The following BCO2 variants were observed in gnomAD, a reference collection of about 807,000 sequenced individuals.
BCO2 encodes the protein carotenoid-cleaving dioxygenase, mitochondrial.
A neutral mutation model predicts 65.8 loss-of-function variants in BCO2; 56 were observed. That is an observed-to-expected ratio of 0.85 (90% CI 0.69 to 1.06). The LOEUF is 1.06. Ranked by LOEUF, BCO2 falls within the 50% of genes least tolerant of loss-of-function variation. BCO2 has a pLI of 0.00. For synonymous variants in BCO2, 233 were observed against 242.3 expected (o/e 0.96, Z 0.36); for missense variants, 675 against 698.5 (o/e 0.97, Z 0.38).
At chr11:112,183,855 G>A (rs1365059427) in intron 2 of BCO2, among the ~76,000 whole-genome samples, 1 of 152,182 alleles carries the variant, frequency 6.6e-6, no homozygotes, top group Non-Finnish European at 1.5e-5. Flanking sequence ...AGACATTGTT[G>A]TACATCACTG....
intron 11 of BCO2, 40 bp downstream of exon 11, chr11:112,216,370 G>T (rs1219113195): frequency 6.8e-7 from 1 of 1,462,740 alleles, no homozygotes; most frequent in Admixed American, 1.7e-5. Flanking sequence ...AAGAAAAGTA[G>T]CACTGAGTCA....
chr11:112,180,585 A>G (rs1867009605), intron 2 of BCO2, among the ~76,000 whole-genome samples: 2 of 151,572 alleles, frequency 1.3e-5, no homozygotes, highest in Admixed American at 6.6e-5. Flanking sequence ...CAGGGTGGGA[A>G]GGAGGACTGG....
chr11:112,196,006 T>C (rs887513099), intron 5 of BCO2, among the ~76,000 whole-genome samples: 2 of 152,194 alleles, frequency 1.3e-5, no homozygotes, highest in African/African-American at 4.8e-5. Flanking sequence ...CTCAGTTTGC[T>C]CCTTATACAA....
intron 2 of BCO2, among the ~76,000 whole-genome samples, chr11:112,190,594 C>T (rs932945545): frequency 3.9e-5 from 6 of 152,056 alleles, no homozygotes; most frequent in East Asian, 1.9e-4. Context: ...CAGTGGCTCA[C>T]GCCTGTAATC....
At position 112,218,566 on chromosome 11, in the gene BCO2, GACA is replaced by G. The variant is rs1172545476; in HGVS notation, c.*697_*699del. ...CCAACTCACCCTAATTAAGGTTGATGACAACAAGAAACCAGAGGAATGGGTAGG... is the reference window on the plus strand; with the variant it reads ...CCAACTCACCCTAATTAAGGTTGATGACAAGAAACCAGAGGAATGGGTAGG... On this transcript the variant is annotated 3_prime_UTR_variant, in exon 12 of 12. Coordinates refer to ENST00000357685, the MANE Select transcript of BCO2 (RefSeq NM_031938.7). The G allele has an allele frequency of 4.3e-6, 1 of 234,782 alleles. No individual in the cohort carries two copies. The highest frequency in any genetic ancestry group is 6.4e-5 in the South Asian group (1 of 15,744). 14.5% of individuals were successfully genotyped at this position (234,782 alleles called of 1,614,324 possible).
At position 112,191,108 on chromosome 11, in the gene BCO2, TG is replaced by T. The variant is rs1157954842; in HGVS notation, c.294-2365del. Among the ~76,000 whole-genome samples, 3 of 151,786 alleles carry T rather than the reference TG, an allele frequency of 2.0e-5. No homozygotes were observed. In the East Asian group the frequency reaches 5.8e-4, roughly 29 times the overall value. On this transcript the variant is annotated intron_variant, in intron 2 of 11. Coordinates refer to ENST00000357685, the MANE Select transcript of BCO2 (RefSeq NM_031938.7). The stretch of plus-strand genomic sequence containing the variant: ...AAGGGATGGTCAGTATCTTCACTAC[TG>T]TTCAACATTGTACCAGATGTAAGCA...
At chr11:112,197,808 C>G (rs1383434720) in intron 5 of BCO2, among the ~76,000 whole-genome samples, 2 of 152,174 alleles carry the variant, frequency 1.3e-5, no homozygotes, top group African/African-American at 4.8e-5. Context: ...CCTAGACTCT[C>G]CTTCTCGCTT....
chr11:112,177,565 A>G (rs186679577), intron 1 of BCO2, among the ~76,000 whole-genome samples: 354 of 152,340 alleles, frequency 2.3e-3, no homozygotes, highest in African/African-American at 7.8e-3. Flanking sequence ...TAAAGGAGAT[A>G]TTACACCTTA....
intron 8 of BCO2, among the ~76,000 whole-genome samples, 169 bp from the exon 9 acceptor site, chr11:112,213,555 C>G (rs1240603274): frequency 6.6e-6 from 1 of 152,136 alleles, no homozygotes; most frequent in Non-Finnish European, 1.5e-5. Flanking sequence ...GTGTCTAAAA[C>G]TGCTTGGGCT....
At chr11:112,199,848 A>G in intron 6 of BCO2, 21 bp downstream of exon 6, 2 of 1,612,406 alleles carry the variant, frequency 1.2e-6, no homozygotes, top group African/African-American at 1.3e-5. Context: ...AGATAAGGCA[A>G]ATTTCAGTGG....
intron 2 of BCO2, among the ~76,000 whole-genome samples, chr11:112,187,728 C>T (rs935580845): frequency 1.3e-5 from 2 of 152,132 alleles, no homozygotes; most frequent in African/African-American, 4.8e-5. Context: ...CATCACGATC[C>T]CTCCCATTTC....
Position 112,214,945 on chromosome 11 carries a change from G to T in BCO2, c.1515+1G>T, listed in dbSNP as rs766154406. The stretch of plus-strand genomic sequence containing the variant: ...TGATGTGGTGAATAAGACACTGAAG[G>T]TGATGAAAAACTCTTTCCTTTTTGA... On this transcript the variant is annotated splice_donor_variant, in intron 10 of 11. Transcript: ENST00000357685. LOFTEE classifies it high-confidence loss of function. 6.2e-7 allele frequency: 1 copy of T among 1,614,106 alleles called. No homozygotes were observed. Among genetic ancestry groups the T allele is most frequent in the Non-Finnish European group, 8.5e-7 (1 of 1,179,970 alleles).
chr11:112,185,702 G>C (rs571689339), intron 2 of BCO2, among the ~76,000 whole-genome samples: 1 of 152,026 alleles, frequency 6.6e-6, no homozygotes, highest in African/African-American at 2.4e-5. Context: ...AAGTCTGAAC[G>C]ATCATTATTT....
intron 5 of BCO2, among the ~76,000 whole-genome samples, chr11:112,199,204 C>T (rs927808393): frequency 6.6e-6 from 1 of 152,066 alleles, no homozygotes; most frequent in East Asian, 1.9e-4. Flanking sequence ...TGAGAACATG[C>T]GGTGTTTGGT....
chr11:112,190,871 A>AG (rs1042730043), intron 2 of BCO2, among the ~76,000 whole-genome samples: 4 of 150,164 alleles, frequency 2.7e-5, no homozygotes, highest in Non-Finnish European at 4.4e-5. Flanking sequence ...AAAAAAAAAA[A>AG]AAAAGAAAAG....
chr11:112,194,636 T>G lies in BCO2; in HGVS notation c.634-17T>G. ...AGATCTGCCCATTAAAAATCTCCAG[T>G]GGTCTCAAATTTGCAGGTAGATTGG... is the stretch of plus-strand genomic sequence containing the variant. On this transcript the variant is annotated splice_polypyrimidine_tract_variant and intron_variant, in intron 4 of 11. Coordinates refer to ENST00000357685, the MANE Select transcript of BCO2 (RefSeq NM_031938.7). The G allele has an allele frequency of 2.0e-6, 3 of 1,496,346 alleles. No homozygotes were observed. The highest frequency in any genetic ancestry group is 2.8e-6 in the Non-Finnish European group (3 of 1,073,872). 92.7% of individuals were successfully genotyped at this position (1,496,346 alleles called of 1,614,324 possible). A position where few individuals can be genotyped will look rare whatever the true frequency, so the allele number is the denominator to read the frequency against.
chr11:112,207,451 C>T (rs1859378932), intron 8 of BCO2, among the ~76,000 whole-genome samples: 1 of 152,040 alleles, frequency 6.6e-6, no homozygotes, highest in Non-Finnish European at 1.5e-5. Flanking sequence ...AAAATATTAT[C>T]CTATGTTATC....
At chr11:112,176,517 C>CGGT (rs772731770) in intron 1 of BCO2, 1 of 46,754 alleles carries the variant, frequency 2.1e-5, no homozygotes, top group East Asian at 1.1e-3. Flanking sequence ...AATTGATTGG[C>CGGT]GGGGGGGGGG....
chr11:112,210,577 C>A (rs1337397375), intron 8 of BCO2, among the ~76,000 whole-genome samples: 9 of 152,222 alleles, frequency 5.9e-5, no homozygotes. Context: ...CACTCTAGCC[C>A]TCAAAACTAT....
Sources: gnomAD v4.1 joint callset for allele counts (sites outside exome capture counted in the v4.1 genomes callset) on GRCh38, gnomAD v4.1.1 for gene constraint, MANE v1.5 for transcripts, NCBI Gene and HGNC (gene_info 2026-07-23, HGNC 2026-07-21) for gene names.